The following ARHGAP39 variants were observed in gnomAD, a reference collection of about 807,000 sequenced individuals.
ARHGAP39 encodes rho GTPase-activating protein 39.
A neutral mutation model predicts 106.9 loss-of-function variants in ARHGAP39; 44 were observed. The observed-to-expected ratio is 0.41, with a 90% CI of 0.32 to 0.53. ARHGAP39 has a LOEUF of 0.53. ARHGAP39 is among the 20% of genes least tolerant of loss of function. The pLI, the probability that ARHGAP39 is intolerant of heterozygous loss-of-function variation, is 0.21. For synonymous variants in ARHGAP39, 768 were observed against 693.2 expected (o/e 1.11, Z -1.69); for missense variants, 1,496 against 1,577.3 (o/e 0.95, Z 0.87).
At position 144,545,813 on chromosome 8, in the gene ARHGAP39, G is replaced by A; in HGVS notation, c.1960-3C>T. ...GCACAGGCAGCGAGGTCCTCAGACT[G>A]AGAAGGACAAATGCGGCTGGGCTGT... On this transcript the variant is annotated splice_polypyrimidine_tract_variant and splice_region_variant and intron_variant, in intron 5 of 11. Coordinates refer to ENST00000377307, the MANE Select transcript of ARHGAP39 (RefSeq NM_025251.3). 4 of 1,530,708 alleles carry A rather than the reference G, an allele frequency of 2.6e-6. No individual in the cohort carries two copies. Among genetic ancestry groups the A allele is most frequent in the Non-Finnish European group, 3.5e-6 (4 of 1,140,952 alleles). 94.8% of individuals were successfully genotyped at this position (1,530,708 alleles called of 1,614,324 possible).
intron 2 of ARHGAP39, among the ~76,000 whole-genome samples, chr8:144,603,508 G>A (rs535508879): frequency 4.6e-5 from 7 of 152,026 alleles, no homozygotes; most frequent in Non-Finnish European, 1.0e-4. Flanking sequence ...GACCAACATG[G>A]TGAAACCCCA....
intron 8 of ARHGAP39, 25 bp from the exon 9 acceptor site, chr8:144,533,350 G>C (rs1164562033): frequency 6.2e-7 from 1 of 1,602,616 alleles, no homozygotes; most frequent in Non-Finnish European, 8.5e-7. Flanking sequence ...GCTCCGTCCT[G>C]GTCTGGCCTG....
intron 2 of ARHGAP39, among the ~76,000 whole-genome samples, chr8:144,602,854 G>T (rs1820097520): frequency 7.1e-6 from 1 of 140,702 alleles, no homozygotes; most frequent in African/African-American, 2.7e-5. Flanking sequence ...GTGCGTGTGA[G>T]CTCGTGTACC....
chr8:144,603,585 G>A (rs1014174706), intron 2 of ARHGAP39, among the ~76,000 whole-genome samples: 3 of 151,688 alleles, frequency 2.0e-5, no homozygotes, highest in African/African-American at 7.3e-5. Context: ...AGCTACTCAG[G>A]AGGCTGAGGC....
intron 1 of ARHGAP39, among the ~76,000 whole-genome samples, chr8:144,626,760 C>T (rs551016192): frequency 6.6e-6 from 1 of 152,370 alleles, no homozygotes; most frequent in Admixed American, 6.5e-5. Context: ...GGGGACACGC[C>T]CGCGGCTCTG....
chr8:144,652,818 G>A (rs111324606), intron 1 of ARHGAP39, among the ~76,000 whole-genome samples: 1 of 152,012 alleles, frequency 6.6e-6, no homozygotes, highest in East Asian at 1.9e-4. Flanking sequence ...TGGGTACTGG[G>A]CTTAATACTT....
chr8:144,538,201 C>T (rs1817044102), intron 6 of ARHGAP39, among the ~76,000 whole-genome samples: 1 of 152,264 alleles, frequency 6.6e-6, no homozygotes, highest in Non-Finnish European at 1.5e-5. Context: ...AGAAAACCAA[C>T]AGAAACAAGT....
At chr8:144,571,056 G>A (rs752758512) in intron 3 of ARHGAP39, among the ~76,000 whole-genome samples, 2 of 152,164 alleles carry the variant, frequency 1.3e-5, no homozygotes, top group Non-Finnish European at 2.9e-5. Flanking sequence ...CAGAGGTACA[G>A]AGAGGAGCTG....
chr8:144,589,978 G>A (rs1819331081), intron 2 of ARHGAP39, among the ~76,000 whole-genome samples: 1 of 152,244 alleles, frequency 6.6e-6, no homozygotes, highest in East Asian at 1.9e-4. Flanking sequence ...CGGGGCCCAC[G>A]ACGCCCTGAC....
intron 1 of ARHGAP39, among the ~76,000 whole-genome samples, chr8:144,621,615 A>C (rs1820809517): frequency 6.6e-6 from 1 of 152,196 alleles, no homozygotes; most frequent in South Asian, 2.1e-4. Context: ...CCAGAAGTTC[A>C]AGACCAGCCT....
At chr8:144,658,844 T>C (rs761712175) in intron 1 of ARHGAP39, among the ~76,000 whole-genome samples, 1 of 152,124 alleles carries the variant, frequency 6.6e-6, no homozygotes, top group African/African-American at 2.4e-5. Flanking sequence ...TGTAAAAAAA[T>C]TAAAACATTA....
chr8:144,671,827 C>T lies in ARHGAP39; in HGVS notation c.-82+13859G>A, dbSNP rs1563732278. ...GAGGCCTGGTCTGTCTCCTCCCTGT[C>T]GGGGGTATCTGACTGGCAAGTGGCT... On this transcript the variant is annotated intron_variant, in intron 1 of 11. Transcript: ENST00000377307. This position sits in a 1 kb window ranked among gnomAD's most constrained non-coding sequence, Gnocchi z 4.5. Among the ~76,000 whole-genome samples the T allele has an allele frequency of 6.6e-6, 1 of 152,206 alleles. No homozygotes were observed. The highest frequency in any genetic ancestry group is 2.4e-5 in the African/African-American group (1 of 41,460).
chr8:144,656,049 C>T (rs1453127043), intron 1 of ARHGAP39, among the ~76,000 whole-genome samples: 3 of 152,130 alleles, frequency 2.0e-5, no homozygotes, highest in Non-Finnish European at 1.5e-5. Flanking sequence ...AGATTCTTTT[C>T]TTCCTGACAA....
At chr8:144,533,666 G>T (rs1816825641) in intron 8 of ARHGAP39, among the ~76,000 whole-genome samples, 1 of 152,266 alleles carries the variant, frequency 6.6e-6, no homozygotes, top group Non-Finnish European at 1.5e-5. Flanking sequence ...TTGGGAAGGT[G>T]GGAGTGAGTC....
At chr8:144,598,439 G>T (rs1161157494) in intron 2 of ARHGAP39, among the ~76,000 whole-genome samples, 2 of 152,234 alleles carry the variant, frequency 1.3e-5, no homozygotes, top group Non-Finnish European at 2.9e-5. Flanking sequence ...GATGAGTCAG[G>T]TGTGGCTGGG....
chr8:144,587,302 A>T (rs1700955212), intron 2 of ARHGAP39, among the ~76,000 whole-genome samples: 1 of 152,252 alleles, frequency 6.6e-6, no homozygotes, highest in African/African-American at 2.4e-5. Context: ...AACCAAGAGA[A>T]GGAAAGAGGC....
At position 144,529,999 on chromosome 8, in the gene ARHGAP39, G is replaced by A. The variant is rs1816605755; in HGVS notation, c.*423C>T. On this transcript the variant is annotated 3_prime_UTR_variant, in exon 12 of 12. Coordinates refer to ENST00000377307, the MANE Select transcript of ARHGAP39 (RefSeq NM_025251.3). ...AGCTCTCTCGGGGCTGGGAAGAGCT[G>A]CAGGCCAGGACGAGGACAGGAGAAA... 5.7e-6 allele frequency: 1 copy of A among 176,772 alleles called. No individual in the cohort carries two copies. The highest frequency in any genetic ancestry group is 1.2e-5 in the Non-Finnish European group (1 of 84,028). The allele number at this position is 176,772 out of a possible 1,614,324, so 11.0% of individuals were successfully genotyped here.
intron 3 of ARHGAP39, among the ~76,000 whole-genome samples, chr8:144,556,716 C>G (rs1284347691): frequency 8.1e-6 from 1 of 123,448 alleles, no homozygotes; most frequent in Non-Finnish European, 1.6e-5. Context: ...TCATAGTATT[C>G]AGAGGCAAAA....
rs370239135 is a variant in ARHGAP39 at position 144,619,274 on chromosome 8, C to T, written c.-81-13579G>A. 5.3e-5 allele frequency among the ~76,000 whole-genome samples: 8 copies of T among 152,268 alleles called. No individual in the cohort carries two copies. In the East Asian group the frequency reaches 5.8e-4, roughly 11 times the overall value. On this transcript the variant is annotated intron_variant, in intron 1 of 11. Transcript: ENST00000377307. The stretch of plus-strand genomic sequence containing the variant: ...CAGCATCTGCCTGGGCTGGCGACGC[C>T]CGCCATAGACCAGGGTGCCAGAGGC...
Sources: allele counts gnomAD v4.1 joint callset (sites outside exome capture counted in the v4.1 genomes callset), GRCh38; gene constraint gnomAD v4.1.1; non-coding constraint Gnocchi (gnomAD v3.1); transcripts MANE v1.5; gene names NCBI Gene and HGNC (gene_info 2026-07-23, HGNC 2026-07-21).